FTH1: variants seen among roughly 807,000 people sequenced by gnomAD.
FTH1 encodes the protein ferritin heavy chain 1.
FTH1 carries 3 observed loss-of-function variants against 21.8 expected under a neutral mutation model. The ratio of observed to expected loss-of-function variants is 0.14; its 90% CI spans 0.06 to 0.36. FTH1 has a LOEUF of 0.36. Ranked by LOEUF, FTH1 falls within the 10% of genes least tolerant of loss-of-function variation. The pLI, the probability that FTH1 is intolerant of heterozygous loss-of-function variation, is 1.00. For synonymous variants in FTH1, 83 were observed against 90.1 expected, an observed-to-expected ratio of 0.92 and a Z score of 0.45; for missense variants, 147 against 225.8, an observed-to-expected ratio of 0.65 and a Z score of 2.24.
intron 2 of FTH1, 114 bp from the exon 3 acceptor site, chr11:61,965,226 T>C: frequency 6.3e-7 from 1 of 1,593,448 alleles, no homozygotes; most frequent in Non-Finnish European, 8.6e-7. Flanking sequence ...CTAATTTAGT[T>C]TAGATGGTAA....
At position 61,967,417 on chromosome 11, in the gene FTH1, G is replaced by C. The variant is rs1208418440; in HGVS notation, c.9C>G (p.Thr3=). ...TCTGGCGCACCTGCGAGGTGGACGC[G>C]GTCGTCATGGCGGCGACTAAGGAGA... MT[T]ASTSQVRQNY... is the part of the protein sequence containing the mutation. The change falls in exon 1 of 4, where the codon ACC becomes ACG. Residue 3 remains threonine (T), a synonymous_variant. Transcript: ENST00000273550. 3 of 1,599,874 alleles carry C rather than the reference G, an allele frequency of 1.9e-6. No individual in the cohort carries two copies. The highest frequency in any genetic ancestry group is 2.7e-5 in the African/African-American group (2 of 74,518).
rs746051501 is a variant in FTH1, at chr11:61,965,076, C to T, written c.298G>A (p.Ala100Thr). ...TCCAAATGTAATGCACACTCCATTG[C>T]ATTCAGCCCGCTCTCCCAGTCATCA... ...DCDDWESGLN[A>T]MECALHLEKN... The change falls in exon 3 of 4, where the codon GCA (alanine) becomes ACA (threonine). Residue 100 changes from alanine (A) to threonine (T), a missense_variant. Physicochemically the swap from Ala to Thr is moderately conservative, Grantham distance 58. Coordinates refer to ENST00000273550, the MANE Select transcript of FTH1 (RefSeq NM_002032.3). 12 of 1,608,500 alleles carry T rather than the reference C, an allele frequency of 7.5e-6. No homozygotes were observed. Among genetic ancestry groups the T allele is most frequent in the Non-Finnish European group, 1.0e-5 (12 of 1,179,986 alleles).
chr11:61,965,662 G>A, intron 1 of FTH1, 147 bp from the exon 2 acceptor site: 2 of 812,574 alleles, frequency 2.5e-6, no homozygotes, highest in Non-Finnish European at 4.2e-6. Context: ...AGGAGACTGG[G>A]GGGCAGATGA....
chr11:61,966,651 C>A (rs1195075084), intron 1 of FTH1, among the ~76,000 whole-genome samples: 1 of 152,206 alleles, frequency 6.6e-6, no homozygotes, highest in African/African-American at 2.4e-5. Context: ...AAACTCCACA[C>A]CTCTTACAGT....
chr11:61,964,330 C>G lies in FTH1; in HGVS notation c.*397G>C. ...ATTCATAAAAACTGTGAAAGCTAGA[C>G]TGAACCATTGGAAACATTTAACTCA... On this transcript the variant is annotated 3_prime_UTR_variant, in exon 4 of 4. Coordinates refer to ENST00000273550, the MANE Select transcript of FTH1 (RefSeq NM_002032.3). 9.0e-6 allele frequency: 9 copies of G among 996,012 alleles called. No homozygotes were observed. The South Asian group carries it at 1.5e-4, about 17-fold the overall frequency. 61.7% of individuals were successfully genotyped at this position (996,012 alleles called of 1,614,324 possible).
intron 2 of FTH1, 102 bp from the exon 3 acceptor site, chr11:61,965,214 G>T: frequency 6.3e-7 from 1 of 1,592,066 alleles, no homozygotes. Context: ...ATTACTATTT[G>T]CCTAATTTAG....
Position 61,965,091 on chromosome 11 carries a change from C to T in FTH1, c.283G>A (p.Glu95Lys). The change falls in exon 3 of 4, where the codon GAG becomes AAG. Residue 95 changes from glutamate to lysine, a missense_variant. Physicochemically the swap from Glu to Lys is moderately conservative, Grantham distance 56. Coordinates refer to ENST00000273550, the MANE Select transcript of FTH1 (RefSeq NM_002032.3). Reference sequence around the variant, plus strand: ...CACTCCATTGCATTCAGCCCGCTCTCCCAGTCATCACAGTCTGGTTTCTGA... The same window carrying T: ...CACTCCATTGCATTCAGCCCGCTCTTCCAGTCATCACAGTCTGGTTTCTGA... ...DIKKPDCDDW[E>K]SGLNAMECAL... 2 of 1,606,402 alleles carry T rather than the reference C, an allele frequency of 1.2e-6. No homozygotes were observed. Among genetic ancestry groups the T allele is most frequent in the Non-Finnish European group, 1.7e-6 (2 of 1,179,978 alleles).
At chr11:61,966,268 T>A (rs948104271) in intron 1 of FTH1, among the ~76,000 whole-genome samples, 1 of 152,162 alleles carries the variant, frequency 6.6e-6, no homozygotes, top group Non-Finnish European at 1.5e-5. Flanking sequence ...AGCGAGACTC[T>A]GTCTCTCACA....
In FTH1 at chr11:61,965,063, G is replaced by C; in HGVS notation, c.311C>G (p.Ala104Gly). Residue 104 changes from alanine to glycine, a missense_variant, in exon 3 of 4, where the codon GCA becomes GGA. Ala to Gly is a moderately conservative substitution (Grantham distance 60). Coordinates refer to ENST00000273550, the MANE Select transcript of FTH1 (RefSeq NM_002032.3). ...WESGLNAMEC[A>G]LHLEKNVNQS... ...ATTCACATTTTTTTCCAAATGTAATGCACACTCCATTGCATTCAGCCCGCT... is the reference window on the plus strand; with the variant it reads ...ATTCACATTTTTTTCCAAATGTAATCCACACTCCATTGCATTCAGCCCGCT... The C allele has an allele frequency of 6.2e-7, 1 of 1,610,744 alleles. No individual in the cohort carries two copies. The highest frequency in any genetic ancestry group is 8.5e-7 in the Non-Finnish European group (1 of 1,179,974).
intron 1 of FTH1, 181 bp downstream of exon 1, chr11:61,967,131 A>C (rs1405705170): frequency 4.6e-6 from 2 of 432,776 alleles, no homozygotes; most frequent in Non-Finnish European, 8.1e-6. Context: ...AGCCGAGAAG[A>C]ACCAGCTGCC....
chr11:61,966,356 G>A (rs1394954642), intron 1 of FTH1, among the ~76,000 whole-genome samples: 1 of 152,202 alleles, frequency 6.6e-6, no homozygotes, highest in East Asian at 1.9e-4. Context: ...TTTTATAATA[G>A]TTATATCACA....
Position 61,965,514 on chromosome 11 carries a change from G to T in FTH1, c.116C>A (p.Ser39Tyr), listed in dbSNP as rs1280468612. ...CACATCATCGCGGTCAAAGTAGTAAGACTGAAAGGGGAACACTGAATGTGT... is the reference window on the plus strand; with the variant it reads ...CACATCATCGCGGTCAAAGTAGTAATACTGAAAGGGGAACACTGAATGTGT... ...LYASYVYLSMSYYFDRDDVAL... is the reference protein window; with the variant it reads ...LYASYVYLSMYYYFDRDDVAL... The change falls in exon 2 of 4, where the codon TCT becomes TAT. Residue 39 changes from serine to tyrosine, a missense_variant and splice_region_variant. Ser to Tyr is a moderately radical substitution (Grantham distance 144, BLOSUM62 -2). Transcript: ENST00000273550. 1.2e-6 allele frequency: 2 copies of T among 1,600,650 alleles called. No homozygotes were observed. Among genetic ancestry groups the T allele is most frequent in the Non-Finnish European group, 8.5e-7 (1 of 1,179,948 alleles).
At chr11:61,967,199 A>C (rs1429693504) in intron 1 of FTH1, 113 bp downstream of exon 1, 1 of 518,016 alleles carries the variant, frequency 1.9e-6, no homozygotes, top group Non-Finnish European at 3.3e-6. Context: ...ATTTTCCAGA[A>C]GGGCGCAGGG....
rs1411873595 is a variant in FTH1, at chr11:61,964,697, C to T, written c.*30G>A. 1.9e-6 allele frequency: 3 copies of T among 1,597,480 alleles called. No individual in the cohort carries two copies. In the African/African-American group the frequency reaches 4.0e-5, roughly 21 times the overall value. On this transcript the variant is annotated 3_prime_UTR_variant, in exon 4 of 4. Coordinates refer to ENST00000273550, the MANE Select transcript of FTH1 (RefSeq NM_002032.3). Reference sequence around the variant, plus strand: ...CTGCCTTGGTGACCAGGGAAGTCACCCCACGGCTATGGGGAAATTAGCCCG... The same window carrying T: ...CTGCCTTGGTGACCAGGGAAGTCACTCCACGGCTATGGGGAAATTAGCCCG...
chr11:61,964,379 C>T lies in FTH1; in HGVS notation c.*348G>A, dbSNP rs1190782068. 1.4e-6 allele frequency: 1 copy of T among 711,392 alleles called. No individual in the cohort carries two copies. The highest frequency in any genetic ancestry group is 1.8e-5 in the African/African-American group (1 of 55,892). 44.1% of individuals were successfully genotyped at this position (711,392 alleles called of 1,614,324 possible). ...CAGACTCTGGATTCAGAGTCGGGAA[C>T]CCTTAGTTCTATCTGAATCCAAGAC... On this transcript the variant is annotated 3_prime_UTR_variant, in exon 4 of 4. Coordinates refer to ENST00000273550, the MANE Select transcript of FTH1 (RefSeq NM_002032.3).
chr11:61,967,213 C>G (rs1002413403), intron 1 of FTH1, 99 bp downstream of exon 1: 1 of 571,942 alleles, frequency 1.7e-6, no homozygotes, highest in African/African-American at 2.0e-5. Context: ...CGCAGGGAGG[C>G]GGGAGAGCCC....
At chr11:61,965,284 A>G in intron 2 of FTH1, 85 bp downstream of exon 2, 1 of 1,587,870 alleles carries the variant, frequency 6.3e-7, no homozygotes, top group African/African-American at 1.3e-5. Context: ...ATCACTTTAT[A>G]AGGGCAATTG....
Position 61,967,318 on chromosome 11 carries a change from C to G in FTH1, c.108G>C (p.Leu36=), listed in dbSNP as rs1027626671. The G allele has an allele frequency of 3.1e-6, 5 of 1,598,274 alleles. No individual in the cohort carries two copies. Among genetic ancestry groups the G allele is most frequent in the Admixed American group, 1.7e-5 (1 of 59,352 alleles). ...TAGGCCCGCCCGCGCTCACCATGGA[C>G]AGGTAAACGTAGGAGGCGTAGAGCT... ...NLELYASYVY[L]SMSYYFDRDD... Residue 36 remains leucine (L), a synonymous_variant, in exon 1 of 4, where the codon CTG becomes CTC. Transcript: ENST00000273550.
intron 1 of FTH1, among the ~76,000 whole-genome samples, chr11:61,966,807 G>T (rs1942471108): frequency 6.6e-6 from 1 of 152,180 alleles, no homozygotes; most frequent in Non-Finnish European, 1.5e-5. Flanking sequence ...ACGGCTGCTC[G>T]AGAGGGATCT....
Sources: allele counts gnomAD v4.1 joint callset (sites outside exome capture counted in the v4.1 genomes callset), GRCh38; gene constraint gnomAD v4.1.1; transcripts MANE v1.5; gene names NCBI Gene and HGNC (gene_info 2026-07-23, HGNC 2026-07-21).